Variants in PCDHGA2 observed in about 807,000 individuals in gnomAD.
PCDHGA2 encodes protocadherin gamma-A2.
Under a neutral mutation model 59.2 loss-of-function variants are expected in PCDHGA2, and 40 were observed. The observed-to-expected ratio is 0.68, with a 90% CI of 0.52 to 0.88. The LOEUF is 0.88. Ranked by LOEUF, PCDHGA2 falls within the 40% of genes least tolerant of loss-of-function variation. The pLI is 0.00. For synonymous variants in PCDHGA2, 560 were observed against 526.0 expected (o/e 1.06, Z -0.89); for missense variants, 1,226 against 1,204.0 (o/e 1.02, Z -0.27).
At chr5:141,460,087 A>T (rs2098981724) in intron 1 of PCDHGA2, among the ~76,000 whole-genome samples, 1 of 152,008 alleles carries the variant, frequency 6.6e-6, no homozygotes, top group African/African-American at 2.4e-5. Flanking sequence ...AAAAAATAAT[A>T]ATTATACATG....
chr5:141,351,872 C>T (rs1286128393), intron 1 of PCDHGA2: 12 of 1,613,296 alleles, frequency 7.4e-6, no homozygotes, highest in Non-Finnish European at 1.0e-5. Context: ...CTCCCCCGCG[C>T]TCAGCGCCAA....
At position 141,360,903 on chromosome 5, in the gene PCDHGA2, G is replaced by A. The variant is rs752031820; in HGVS notation, c.2424+19508G>A. ...GGGTCACCCTGAGGGAGGACGTGCC[G>A]CCGGGCTTCTTTGTGCTTCAAGTGA... On this transcript the variant is annotated intron_variant, in intron 1 of 3. Coordinates refer to ENST00000394576, the MANE Select transcript of PCDHGA2 (RefSeq NM_018915.4). 3 of 1,614,034 alleles carry A rather than the reference G, an allele frequency of 1.9e-6. No homozygotes were observed. In the Admixed American group the frequency reaches 5.0e-5, roughly 27 times the overall value.
At chr5:141,346,607 T>A in intron 1 of PCDHGA2, 1 of 1,185,462 alleles carries the variant, frequency 8.4e-7, no homozygotes, top group Non-Finnish European at 1.2e-6. Context: ...TCTGGGCCTA[T>A]AGTAGGACTG....
rs756466649 is a variant in PCDHGA2, at chr5:141,495,663, G to A, written c.2483+798G>A. 1.1e-3 allele frequency among the ~76,000 whole-genome samples: 169 copies of A among 152,164 alleles called. 3 individuals are homozygous for A. The highest frequency in any genetic ancestry group is 1.9e-3 in the Admixed American group (29 of 15,272). ...TTGTCTACTTGCATTGATCTGTGCCGCCCACTGTGCCTGCCATGGCATAAG... is the reference window on the plus strand; with the variant it reads ...TTGTCTACTTGCATTGATCTGTGCCACCCACTGTGCCTGCCATGGCATAAG... On this transcript the variant is annotated intron_variant, in intron 2 of 3. Coordinates refer to ENST00000394576, the MANE Select transcript of PCDHGA2 (RefSeq NM_018915.4).
intron 1 of PCDHGA2, chr5:141,393,263 A>T: frequency 6.2e-7 from 1 of 1,613,926 alleles, no homozygotes; most frequent in African/African-American, 1.3e-5. Flanking sequence ...TTCCTGGAGC[A>T]CGTTATCCAC....
At chr5:141,344,040 A>G in intron 1 of PCDHGA2, 1 of 1,552,924 alleles carries the variant, frequency 6.4e-7, no homozygotes, top group Non-Finnish European at 8.7e-7. Context: ...GGAAATGACC[A>G]ATTGCCTGAG....
At chr5:141,465,494 G>C (rs2099104306) in intron 1 of PCDHGA2, among the ~76,000 whole-genome samples, 1 of 152,204 alleles carries the variant, frequency 6.6e-6, no homozygotes, top group African/African-American at 2.4e-5. Context: ...ATGAGCGGGA[G>C]CATTGTCGTG....
rs919100488 is a variant in PCDHGA2 at position 141,511,573 on chromosome 5, G to A, written c.*400G>A. On this transcript the variant is annotated 3_prime_UTR_variant, in exon 4 of 4. Transcript: ENST00000394576. ...ACAGTTCCTCTTTCCCGAGTAAGGT[G>A]GTTGGGGTGTTGAAGTACCAAGTAA... 1.1e-4 allele frequency: 33 copies of A among 288,248 alleles called. No individual in the cohort carries two copies. Among genetic ancestry groups the A allele is most frequent in the African/African-American group, 7.1e-4 (33 of 46,356 alleles). The allele number at this position is 288,248 out of a possible 1,614,324, so 17.9% of individuals were successfully genotyped here.
chr5:141,450,608 T>C (rs916441293), intron 1 of PCDHGA2, among the ~76,000 whole-genome samples: 5 of 151,776 alleles, frequency 3.3e-5, no homozygotes, highest in Admixed American at 2.6e-4. Flanking sequence ...TGCCTCAGCC[T>C]CCTGAGTAGC....
chr5:141,467,923 T>C lies in PCDHGA2; in HGVS notation c.2425-26884T>C, dbSNP rs190816380. Among the ~76,000 whole-genome samples the C allele has an allele frequency of 3.9e-3, 588 of 151,590 alleles. 5 individuals carry two copies. Among genetic ancestry groups the C allele is most frequent in the Admixed American group, 0.011 (168 of 15,214 alleles). ...ATCCGCCCACCTCAGCCTCCCAAAA[T>C]GCTAGGATTACAAGCATGAGCCACC... On this transcript the variant is annotated intron_variant, in intron 1 of 3. Coordinates refer to ENST00000394576, the MANE Select transcript of PCDHGA2 (RefSeq NM_018915.4).
At chr5:141,389,778 G>A (rs886099464) in intron 1 of PCDHGA2, 3 of 1,613,134 alleles carry the variant, frequency 1.9e-6, no homozygotes, top group Non-Finnish European at 2.5e-6. Flanking sequence ...TGCCTTAGGC[G>A]ACAGGGACGC....
chr5:141,364,623 AGAGCCCACT>A, intron 1 of PCDHGA2: 1 of 1,614,178 alleles, frequency 6.2e-7, no homozygotes, highest in Non-Finnish European at 8.5e-7. Flanking sequence ...CTCTGCGCTC[AGAGCCCACT>A]GTGTGTGGTG....
At chr5:141,433,225 GCT>G in intron 1 of PCDHGA2, 1 of 1,517,048 alleles carries the variant, frequency 6.6e-7, no homozygotes, top group African/African-American at 1.4e-5. Context: ...TTTTTTAATT[GCT>G]CTGTCTCCCA....
intron 1 of PCDHGA2, chr5:141,374,293 T>C (rs369929839): frequency 1.2e-6 from 2 of 1,613,788 alleles, no homozygotes; most frequent in African/African-American, 1.3e-5. Context: ...TCTCCAGAGG[T>C]AGGATGCAGC....
In PCDHGA2 at chr5:141,431,318, G is replaced by T. The variant is rs1309389474; in HGVS notation, c.2425-63489G>T. The T allele has an allele frequency of 6.2e-7, 1 of 1,614,086 alleles. No individual in the cohort carries two copies. Among genetic ancestry groups the T allele is most frequent in the African/African-American group, 1.3e-5 (1 of 75,050 alleles). ...CTCCCTCATCGTGCAAAATGGAGCCGACGGTAGTAAGTACCCCGAATTGGT... is the reference window on the plus strand; with the variant it reads ...CTCCCTCATCGTGCAAAATGGAGCCTACGGTAGTAAGTACCCCGAATTGGT... On this transcript the variant is annotated intron_variant, in intron 1 of 3. Coordinates refer to ENST00000394576, the MANE Select transcript of PCDHGA2 (RefSeq NM_018915.4). The surrounding 1 kb of genome is among the most constrained non-coding windows in gnomAD (Gnocchi z 4.8).
At chr5:141,423,163 G>A (rs758720418) in intron 1 of PCDHGA2, 2 of 1,613,480 alleles carry the variant, frequency 1.2e-6, no homozygotes, top group South Asian at 2.2e-5. Context: ...CCTCGTGGTG[G>A]CCGTCCAGGA....
chr5:141,376,001 C>A lies in PCDHGA2; in HGVS notation c.2424+34606C>A, dbSNP rs1554084237. On this transcript the variant is annotated intron_variant, in intron 1 of 3. Transcript: ENST00000394576. ...CCTGCTGGACAGAGACGCGCTCAAGCAGAGCCTAGTGGTGGCCGTCCAGGA... is the reference window on the plus strand; with the variant it reads ...CCTGCTGGACAGAGACGCGCTCAAGAAGAGCCTAGTGGTGGCCGTCCAGGA... 10 of 1,613,362 alleles carry A rather than the reference C, an allele frequency of 6.2e-6. No homozygotes were observed. The Admixed American group carries it at 1.7e-4, about 27-fold the overall frequency.
At chr5:141,379,660 C>T (rs922191885) in intron 1 of PCDHGA2, 1 of 152,100 alleles carries the variant, frequency 6.6e-6, no homozygotes, top group African/African-American at 2.4e-5. Flanking sequence ...CTTCTACTCT[C>T]ACAAAAGTCA....
chr5:141,388,971 C>T (rs2091561776), intron 1 of PCDHGA2: 2 of 1,613,890 alleles, frequency 1.2e-6, no homozygotes, highest in South Asian at 2.2e-5. Flanking sequence ...GCTGGGAACA[C>T]ATATTGCTTT....
Sources: allele counts gnomAD v4.1 joint callset (sites outside exome capture counted in the v4.1 genomes callset), GRCh38; gene constraint gnomAD v4.1.1; non-coding constraint Gnocchi (gnomAD v3.1); transcripts MANE v1.5; gene names NCBI Gene and HGNC (gene_info 2026-07-23, HGNC 2026-07-21).